The following CDH12 variants were observed in gnomAD, a reference collection of about 807,000 sequenced individuals.
CDH12 encodes cadherin-12.
A neutral mutation model predicts 74.1 loss-of-function variants in CDH12; 41 were observed. That is an observed-to-expected ratio of 0.55 (90% CI 0.43 to 0.72). The LOEUF is 0.72. Among genes scored for constraint, CDH12 ranks in the 30% least tolerant of loss-of-function variants. The pLI, the probability that CDH12 is intolerant of heterozygous loss-of-function variation, is 0.00. For synonymous variants in CDH12, 399 were observed against 355.0 expected (o/e 1.12, Z -1.39); for missense variants, 945 against 977.2 (o/e 0.97, Z 0.44).
chr5:22,011,587 C>T (rs1468910791), intron 5 of CDH12, among the ~76,000 whole-genome samples: 1 of 152,114 alleles, frequency 6.6e-6, no homozygotes, highest in East Asian at 1.9e-4. Flanking sequence ...GTGGAATACA[C>T]TGCTAGAAAC....
chr5:21,786,810 G>A (rs188218002), intron 10 of CDH12, among the ~76,000 whole-genome samples: 25 of 152,204 alleles, frequency 1.6e-4, no homozygotes, highest in African/African-American at 5.5e-4. Flanking sequence ...CATGAGAGGA[G>A]GTCAAAATAT....
At chr5:22,468,925 T>G (rs534770312) in intron 2 of CDH12, among the ~76,000 whole-genome samples, 1 of 152,344 alleles carries the variant, frequency 6.6e-6, no homozygotes, top group South Asian at 2.1e-4. Flanking sequence ...TATGTTCCTT[T>G]CACACAATTG....
chr5:22,270,018 C>T (rs1436039350), intron 3 of CDH12, among the ~76,000 whole-genome samples: 3 of 152,068 alleles, frequency 2.0e-5, no homozygotes, highest in Non-Finnish European at 4.4e-5. Context: ...TTTAAAGTAG[C>T]TTTTTCATGC....
intron 1 of CDH12, chr5:22,580,477 A>C: frequency 2.0e-6 from 1 of 502,586 alleles, no homozygotes; most frequent in Middle Eastern, 3.3e-4. Context: ...GTGTCAGACA[A>C]GTCATACTTA....
chr5:22,659,916 A>G (rs1430159710), intron 1 of CDH12, among the ~76,000 whole-genome samples: 1 of 152,150 alleles, frequency 6.6e-6, no homozygotes, highest in African/African-American at 2.4e-5. Flanking sequence ...TAACATATAT[A>G]GAATATGACT....
rs562422151 is a variant in CDH12, at chr5:22,355,901, C to G, written c.-333+49356G>C. 9.7e-4 allele frequency among the ~76,000 whole-genome samples: 148 copies of G among 152,214 alleles called. 1 individual carries two copies. The highest frequency in any genetic ancestry group is 3.2e-3 in the African/African-American group (132 of 41,530). The stretch of plus-strand genomic sequence containing the variant: ...ATAGGGGTTGGGAAACATATAAAGG[C>G]ACAGAAATAATCTTTGGAGTGGGTT... On this transcript the variant is annotated intron_variant, in intron 3 of 14. Transcript: ENST00000382254.
chr5:22,556,817 TA>T (rs2126742242), intron 1 of CDH12, among the ~76,000 whole-genome samples: 1 of 152,168 alleles, frequency 6.6e-6, no homozygotes, highest in African/African-American at 2.4e-5. Flanking sequence ...CTTCGAGATG[TA>T]AATCTTCTAC....
intron 1 of CDH12, chr5:22,580,277 G>A (rs913433760): frequency 2.7e-6 from 1 of 366,564 alleles, no homozygotes; most frequent in Non-Finnish European, 5.5e-6. Flanking sequence ...TCAAACATTG[G>A]ATGGCAAAGA....
chr5:21,913,672 G>C (rs765382963), intron 6 of CDH12, among the ~76,000 whole-genome samples: 1 of 151,802 alleles, frequency 6.6e-6, no homozygotes, highest in Non-Finnish European at 1.5e-5. Flanking sequence ...GTGGGGTTTT[G>C]TTGTTGTTGT....
At chr5:22,333,229 A>G (rs182444361) in intron 3 of CDH12, among the ~76,000 whole-genome samples, 46 of 151,970 alleles carry the variant, frequency 3.0e-4, no homozygotes, top group Non-Finnish European at 5.1e-4. Context: ...GAAACCAAAA[A>G]CCGCATGTTT....
chr5:22,379,901 G>T (rs1002986389), intron 3 of CDH12, among the ~76,000 whole-genome samples: 2 of 152,100 alleles, frequency 1.3e-5, no homozygotes, highest in African/African-American at 4.8e-5. Context: ...TTACTGGCAT[G>T]CTCCATCATG....
intron 1 of CDH12, among the ~76,000 whole-genome samples, chr5:22,570,740 C>T (rs1429099771): frequency 6.6e-6 from 1 of 152,080 alleles, no homozygotes; most frequent in African/African-American, 2.4e-5. Flanking sequence ...CTGTATTAGC[C>T]CCTAATAAAA....
At chr5:22,442,856 A>T (rs976767731) in intron 2 of CDH12, among the ~76,000 whole-genome samples, 1 of 152,194 alleles carries the variant, frequency 6.6e-6, no homozygotes, top group African/African-American at 2.4e-5. Context: ...CAACTTGGGT[A>T]TATATAACAT....
At chr5:22,631,967 C>A (rs905906285) in intron 1 of CDH12, among the ~76,000 whole-genome samples, 28 of 152,074 alleles carry the variant, frequency 1.8e-4, no homozygotes, top group Non-Finnish European at 2.6e-4. Flanking sequence ...CTACCTGCAA[C>A]AATGGGGATT....
chr5:22,561,775 A>G (rs2126750604), intron 1 of CDH12, among the ~76,000 whole-genome samples: 1 of 152,318 alleles, frequency 6.6e-6, no homozygotes, highest in South Asian at 2.1e-4. Flanking sequence ...ATTTCAAGTT[A>G]GCAGTCTGTC....
chr5:22,460,637 C>CAAATGTT (rs1465528010), intron 2 of CDH12, among the ~76,000 whole-genome samples: 46 of 149,254 alleles, frequency 3.1e-4, no homozygotes, highest in Admixed American at 1.1e-3. Context: ...CTGGGAAATG[C>CAAATGTT]AAATGTTATA....
At chr5:22,257,311 C>A (rs187608778) in intron 3 of CDH12, among the ~76,000 whole-genome samples, 167 of 151,432 alleles carry the variant, frequency 1.1e-3, no homozygotes, top group Middle Eastern at 6.8e-3. Context: ...CACTTGTATC[C>A]CTGAACTTAA....
chr5:22,684,767 C>T (rs772650868), intron 1 of CDH12, among the ~76,000 whole-genome samples: 8 of 152,218 alleles, frequency 5.3e-5, no homozygotes, highest in Admixed American at 1.3e-4. Flanking sequence ...CTTCCCCACA[C>T]ATCTCTCACA....
At chr5:22,191,839 C>T (rs1750325543) in intron 4 of CDH12, among the ~76,000 whole-genome samples, 1 of 152,082 alleles carries the variant, frequency 6.6e-6, no homozygotes, top group Non-Finnish European at 1.5e-5. Context: ...GCTGGGATTA[C>T]AGGCGTGAGC....
Sources: allele counts gnomAD v4.1 joint callset (sites outside exome capture counted in the v4.1 genomes callset), GRCh38; gene constraint gnomAD v4.1.1; transcripts MANE v1.5; gene names NCBI Gene and HGNC (gene_info 2026-07-23, HGNC 2026-07-21).